MEF2B: variants seen among roughly 807,000 people sequenced by gnomAD.
MEF2B encodes the protein myocyte enhancer factor 2B, also known as myocyte-specific enhancer factor 2B.
Under a neutral mutation model 32.2 loss-of-function variants are expected in MEF2B, and 15 were observed. The ratio of observed to expected loss-of-function variants is 0.47; its 90% CI spans 0.31 to 0.72. The LOEUF is 0.72. Among genes scored for constraint, MEF2B ranks in the 30% least tolerant of loss-of-function variants. The pLI is 0.05. For missense variants in MEF2B, 441 were observed against 511.5 expected (o/e 0.86, Z 1.33); for synonymous variants, 205 against 225.6 (o/e 0.91, Z 0.82).
At chr19:19,169,228 C>A (rs1032384371) in intron 1 of MEF2B, among the ~76,000 whole-genome samples, 3 of 151,850 alleles carry the variant, frequency 2.0e-5, no homozygotes, top group African/African-American at 7.3e-5. Context: ...GTGGCACGCG[C>A]CTGTAATCCC....
intron 1 of MEF2B, among the ~76,000 whole-genome samples, chr19:19,164,344 G>A (rs566100896): frequency 6.6e-6 from 1 of 152,290 alleles, no homozygotes; most frequent in East Asian, 1.9e-4. Context: ...GCCAGTTTGT[G>A]GCCCTTCCTC....
chr19:19,168,274 T>C (rs2060225413), intron 1 of MEF2B, among the ~76,000 whole-genome samples: 1 of 145,760 alleles, frequency 6.9e-6, no homozygotes, highest in African/African-American at 2.5e-5. Context: ...TCTTCTTTTT[T>C]TTTTTTTTTT....
At position 19,147,315 on chromosome 19, in the gene MEF2B, C is replaced by T. The variant is rs1342691196; in HGVS notation, c.394-132G>A. 6 of 1,012,900 alleles carry T rather than the reference C, an allele frequency of 5.9e-6. 1 individual carries two copies. The highest frequency in any genetic ancestry group is 6.7e-6 in the Non-Finnish European group (5 of 746,228). The allele number at this position is 1,012,900 out of a possible 1,614,324, so 62.7% of individuals were successfully genotyped here. On this transcript the variant is annotated intron_variant, in intron 4 of 8. Transcript: ENST00000424583. ...AGCCTTTGCTCCACCTCCCACCAGG[C>T]TCCCTACCTGCTCCTCCCCCTGCCC...
rs2060108265 is a variant in MEF2B at position 19,154,632 on chromosome 19, CA to C, written c.-29-3869del. On this transcript the variant is annotated intron_variant, in intron 1 of 8. Transcript: ENST00000424583. ...CTAATTTTTGTATTTTTAGTAGAGACAGGGTTTTGCCAAGTTGGCCAGGCTG... is the reference window on the plus strand; with the variant it reads ...CTAATTTTTGTATTTTTAGTAGAGACGGGTTTTGCCAAGTTGGCCAGGCTG... Among the ~76,000 whole-genome samples the C allele has an allele frequency of 2.0e-5, 3 of 151,538 alleles. No individual in the cohort carries two copies. The South Asian group carries it at 6.2e-4, about 31-fold the overall frequency.
chr19:19,161,838 C>T (rs556223601), intron 1 of MEF2B, among the ~76,000 whole-genome samples: 63 of 150,206 alleles, frequency 4.2e-4, no homozygotes, highest in Middle Eastern at 3.4e-3. Context: ...GACAGAGTCT[C>T]ACTTTGTCAC....
chr19:19,169,557 A>G (rs2060236426), intron 1 of MEF2B, among the ~76,000 whole-genome samples: 2 of 152,092 alleles, frequency 1.3e-5, no homozygotes, highest in Non-Finnish European at 2.9e-5. Context: ...CCAAGGACAC[A>G]GGTCACCCAT....
intron 1 of MEF2B, among the ~76,000 whole-genome samples, chr19:19,169,978 C>T (rs2060240922): frequency 6.6e-6 from 1 of 152,142 alleles, no homozygotes; most frequent in African/African-American, 2.4e-5. Context: ...ACGCAGAGCC[C>T]TTGGACACAC....
intron 1 of MEF2B, among the ~76,000 whole-genome samples, chr19:19,160,083 C>T (rs1299801510): frequency 6.6e-6 from 1 of 151,856 alleles, no homozygotes; most frequent in East Asian, 1.9e-4. Flanking sequence ...ATTGTCCTGC[C>T]TCAGACTCCC....
chr19:19,165,328 G>A lies in MEF2B; in HGVS notation c.-30+4877C>T, dbSNP rs118048770. On this transcript the variant is annotated intron_variant, in intron 1 of 8. Transcript: ENST00000424583. ...AGGAGGGTACCACACCTGTAATCCC[G>A]GCTACTCAGGAGGCTGAGGTATGAG... Among the ~76,000 whole-genome samples, 58 of 151,984 alleles carry A rather than the reference G, an allele frequency of 3.8e-4. No individual in the cohort carries two copies. In the East Asian group the frequency reaches 9.3e-3, roughly 24 times the overall value.
chr19:19,145,740 C>T lies in MEF2B; in HGVS notation c.*57G>A. ...AGAGGCCTGGAGGGAGGTGGGGTCC[C>T]CACGTGCCCTCGCCGTACCTGGCGA... On this transcript the variant is annotated 3_prime_UTR_variant, in exon 9 of 9. Transcript: ENST00000424583. This position sits in a 1 kb window ranked among gnomAD's most constrained non-coding sequence, Gnocchi z 4.6. 6.4e-7 allele frequency: 1 copy of T among 1,558,612 alleles called. No homozygotes were observed. The highest frequency in any genetic ancestry group is 8.7e-7 in the Non-Finnish European group (1 of 1,151,624).
intron 1 of MEF2B, among the ~76,000 whole-genome samples, chr19:19,168,623 T>C (rs2060228925): frequency 6.7e-6 from 1 of 150,192 alleles, no homozygotes; most frequent in African/African-American, 2.4e-5. Flanking sequence ...AGACAGGATC[T>C]TGCTCTGTCA....
chr19:19,161,742 C>T lies in MEF2B; in HGVS notation c.-30+8463G>A, dbSNP rs1254265998. ...GACTCCCCCCAATCCATGCTGGTCC[C>T]CCATTACATAGGTAGGGCCCCCCCA... On this transcript the variant is annotated intron_variant, in intron 1 of 8. Coordinates refer to ENST00000424583, the MANE Select transcript of MEF2B (RefSeq NM_001145785.2). Among the ~76,000 whole-genome samples, 8 of 148,418 alleles carry T rather than the reference C, an allele frequency of 5.4e-5. No individual in the cohort carries two copies. The East Asian group carries it at 1.6e-3, about 30-fold the overall frequency.
intron 1 of MEF2B, among the ~76,000 whole-genome samples, chr19:19,160,565 G>A (rs2060152509): frequency 6.6e-6 from 1 of 151,290 alleles, no homozygotes; most frequent in Admixed American, 6.6e-5. Flanking sequence ...AGCCCGCAGG[G>A]AGGCCACGGC....
rs539207859 is a variant in MEF2B at position 19,145,960 on chromosome 19, G to C, written c.944C>G (p.Pro315Arg). 3.5e-6 allele frequency: 5 copies of C among 1,440,260 alleles called. No individual in the cohort carries two copies. Among genetic ancestry groups the C allele is most frequent in the Non-Finnish European group, 4.5e-6 (5 of 1,099,342 alleles). 89.2% of individuals were successfully genotyped at this position (1,440,260 alleles called of 1,614,324 possible). The change falls in exon 9 of 9, where the codon CCA becomes CGA. Residue 315 changes from proline to arginine, a missense_variant. Physicochemically the swap from Pro to Arg is moderately radical, Grantham distance 103. This residue lies in a region of MEF2B where 326 missense variants were observed against 328.4 expected (regional missense o/e 0.99). Transcript: ENST00000424583. The surrounding 1 kb of genome is among the most constrained non-coding windows in gnomAD (Gnocchi z 4.6). Reference sequence around the variant, plus strand: ...GAGGCGCTCAGACTTGATGCTGACTGGGGGGGTCGGCGGGGAGGCGCCGCG... The same window carrying C: ...GAGGCGCTCAGACTTGATGCTGACTCGGGGGGTCGGCGGGGAGGCGCCGCG... ...PTRGASPPTP[P>R]VSIKSERLSP...
intron 1 of MEF2B, among the ~76,000 whole-genome samples, chr19:19,162,278 T>G (rs1281403064): frequency 1.3e-5 from 2 of 152,160 alleles, no homozygotes; most frequent in Non-Finnish European, 2.9e-5. Context: ...ACCTAATTTT[T>G]AACCAGACTA....
chr19:19,147,038 G>C lies in MEF2B; in HGVS notation c.539C>G (p.Pro180Arg). The change falls in exon 5 of 9, where the codon CCA becomes CGA. Residue 180 changes from proline (P) to arginine (R), a missense_variant and splice_region_variant. By Grantham distance (103) the Pro-to-Arg change is moderately radical. Coordinates refer to ENST00000424583, the MANE Select transcript of MEF2B (RefSeq NM_001145785.2). ...CTGCCCCACTGTCCCATGCTCACCT[G>C]GGGGCCCGGCTTTGGGGGCTGCTGG... ...FRPAAPKAGP[P>R]GLVHPLFSPS... 6.3e-7 allele frequency: 1 copy of C among 1,599,420 alleles called. No homozygotes were observed. Among genetic ancestry groups the C allele is most frequent in the Non-Finnish European group, 8.5e-7 (1 of 1,173,708 alleles).
At chr19:19,158,611 T>A (rs530734982) in intron 1 of MEF2B, among the ~76,000 whole-genome samples, 7 of 138,990 alleles carry the variant, frequency 5.0e-5, no homozygotes, top group Non-Finnish European at 7.7e-5. Context: ...AAAAAAAAAA[T>A]TAGCTAAGTG....
intron 1 of MEF2B, among the ~76,000 whole-genome samples, chr19:19,159,775 C>G (rs947385901): frequency 5.9e-5 from 9 of 152,090 alleles, no homozygotes; most frequent in African/African-American, 2.2e-4. Flanking sequence ...AGATTATCAT[C>G]TCCCCAGCCT....
At chr19:19,155,836 G>A (rs979752857) in intron 1 of MEF2B, among the ~76,000 whole-genome samples, 3 of 152,224 alleles carry the variant, frequency 2.0e-5, no homozygotes, top group Non-Finnish European at 1.5e-5. Context: ...GCACGAGGGG[G>A]GAAGCTGAGG....
Sources: allele counts gnomAD v4.1 joint callset (sites outside exome capture counted in the v4.1 genomes callset), GRCh38; gene constraint gnomAD v4.1.1; regional missense constraint gnomAD v4.1.1; non-coding constraint Gnocchi (gnomAD v3.1); transcripts MANE v1.5; gene names NCBI Gene and HGNC (gene_info 2026-07-23, HGNC 2026-07-21).